ATP2B1: variants seen among roughly 807,000 people sequenced by gnomAD.
ATP2B1 encodes plasma membrane calcium-transporting ATPase 1.
ATP2B1 carries 14 observed loss-of-function variants against 124.2 expected under a neutral mutation model. That is an observed-to-expected ratio of 0.11 (90% CI 0.07 to 0.18). The LOEUF is 0.18. ATP2B1 is among the 10% of genes least tolerant of loss of function. The pLI is 1.00. For synonymous variants in ATP2B1, 449 were observed against 492.4 expected (o/e 0.91, Z 1.17); for missense variants, 763 against 1,466.1 (o/e 0.52, Z 7.83).
chr12:89,603,198 A>T lies in ATP2B1; in HGVS notation c.2905T>A (p.Ser969Thr). The T allele has an allele frequency of 6.2e-7, 1 of 1,613,234 alleles. No individual in the cohort carries two copies. The highest frequency in any genetic ancestry group is 2.2e-5 in the East Asian group (1 of 44,780). ...TTAAAAACAATAGTATAATGTTCTGAAGGAGGAGCATGCAAAGGAGCATTT... is the reference window on the plus strand; with the variant it reads ...TTAAAAACAATAGTATAATGTTCTGTAGGAGGAGCATGCAAAGGAGCATTT... The part of the protein sequence containing the change: ...GRNAPLHAPP[S>T]EHYTIVFNTF... Residue 969 changes from serine (S) to threonine (T), a missense_variant, in exon 18 of 21, where the codon TCA (serine) becomes ACA (threonine). Transcript: ENST00000428670. The surrounding 1 kb of genome is among the most constrained non-coding windows in gnomAD (Gnocchi z 4.3).
intron 2 of ATP2B1, among the ~76,000 whole-genome samples, chr12:89,653,739 T>C (rs534080816): frequency 6.6e-5 from 10 of 152,340 alleles, no homozygotes; most frequent in African/African-American, 2.2e-4. Flanking sequence ...TTAACTTAAC[T>C]TCACTAATTA....
intron 2 of ATP2B1, among the ~76,000 whole-genome samples, chr12:89,643,091 C>CACACAT (rs1247770816): frequency 6.8e-6 from 1 of 146,732 alleles, no homozygotes; most frequent in East Asian, 2.0e-4. Flanking sequence ...CACACACACA[C>CACACAT]ATATATACAT....
At chr12:89,656,186 A>C in intron 1 of ATP2B1, 79 bp from the exon 2 acceptor site, 1 of 401,214 alleles carries the variant, frequency 2.5e-6, no homozygotes, top group Non-Finnish European at 4.4e-6. Context: ...TCTAAATGTC[A>C]CCAGGTAGCT....
chr12:89,588,290 A>T lies in ATP2B1; in HGVS notation c.*2694T>A, dbSNP rs1372789212. 1.3e-5 allele frequency: 2 copies of T among 152,614 alleles called. No individual in the cohort carries two copies. The highest frequency in any genetic ancestry group is 2.9e-5 in the Non-Finnish European group (2 of 68,012). The allele number at this position is 152,614 out of a possible 1,614,324, so 9.5% of individuals were successfully genotyped here. A position where few individuals can be genotyped will look rare whatever the true frequency, so the allele number is the denominator to read the frequency against. ...ATCACCAATTCTTGGTTCAAAACTG[A>T]CATCTGTTATGAAAATTACCATATC... On this transcript the variant is annotated 3_prime_UTR_variant, in exon 21 of 21. Coordinates refer to ENST00000428670, the MANE Select transcript of ATP2B1 (RefSeq NM_001366521.1).
At chr12:89,679,643 CCAA>C (rs991884112) in intron 1 of ATP2B1, among the ~76,000 whole-genome samples, 8 of 152,078 alleles carry the variant, frequency 5.3e-5, no homozygotes, top group Admixed American at 2.0e-4. Flanking sequence ...ATGCCAAAAT[CCAA>C]CAAAACTCCC....
chr12:89,639,560 T>A (rs1384429701), intron 3 of ATP2B1, among the ~76,000 whole-genome samples: 1 of 149,358 alleles, frequency 6.7e-6, no homozygotes, highest in African/African-American at 2.4e-5. Flanking sequence ...TCAATATACA[T>A]ATTTTATTTT....
chr12:89,686,710 C>T (rs1258868140), intron 1 of ATP2B1, among the ~76,000 whole-genome samples: 1 of 152,042 alleles, frequency 6.6e-6, no homozygotes, highest in Non-Finnish European at 1.5e-5. Context: ...ATGCCTACAT[C>T]GGTGCATGGC....
chr12:89,691,170 T>C (rs1890514737), intron 1 of ATP2B1, among the ~76,000 whole-genome samples: 1 of 152,068 alleles, frequency 6.6e-6, no homozygotes, highest in African/African-American at 2.4e-5. Context: ...TTCATTTCTC[T>C]GTCTACAGGG....
chr12:89,707,145 T>C (rs1353703286), intron 1 of ATP2B1, among the ~76,000 whole-genome samples: 1 of 152,118 alleles, frequency 6.6e-6, no homozygotes, highest in Non-Finnish European at 1.5e-5. Flanking sequence ...CCAATCCCTC[T>C]TAATTCCCCC....
At chr12:89,642,061 C>T in intron 3 of ATP2B1, 97 bp downstream of exon 3, 1 of 1,232,944 alleles carries the variant, frequency 8.1e-7, no homozygotes, top group Non-Finnish European at 1.2e-6. Context: ...ACATAGCAAA[C>T]ATCAATAAAT....
At chr12:89,638,794 A>T (rs1023343863) in intron 3 of ATP2B1, among the ~76,000 whole-genome samples, 1 of 152,214 alleles carries the variant, frequency 6.6e-6, no homozygotes. Context: ...ATGCTGTGAA[A>T]AGATTGCCAC....
chr12:89,595,585 T>C (rs1393064393), intron 20 of ATP2B1, among the ~76,000 whole-genome samples: 1 of 152,106 alleles, frequency 6.6e-6, no homozygotes, highest in African/African-American at 2.4e-5. Context: ...GGTTAAATAA[T>C]TTTGACACCC....
intron 1 of ATP2B1, among the ~76,000 whole-genome samples, chr12:89,706,417 G>C (rs1299926914): frequency 6.6e-6 from 1 of 151,478 alleles, no homozygotes; most frequent in South Asian, 2.1e-4. Context: ...TGTCATACTG[G>C]TAGGTACCTT....
intron 2 of ATP2B1, among the ~76,000 whole-genome samples, chr12:89,642,950 T>A (rs1294032479): frequency 6.6e-6 from 1 of 151,854 alleles, no homozygotes; most frequent in Non-Finnish European, 1.5e-5. Flanking sequence ...ATCTTGTAGA[T>A]GTTAGCAATC....
chr12:89,689,508 C>T (rs539503779), intron 1 of ATP2B1, among the ~76,000 whole-genome samples: 1 of 152,188 alleles, frequency 6.6e-6, no homozygotes, highest in African/African-American at 2.4e-5. Flanking sequence ...TGTAAAATGG[C>T]GTTTCCATCT....
At chr12:89,632,592 AAC>A (rs756577981) in intron 5 of ATP2B1, among the ~76,000 whole-genome samples, 32 of 152,214 alleles carry the variant, frequency 2.1e-4, no homozygotes, top group Non-Finnish European at 4.0e-4. Flanking sequence ...AGGCAAAGTA[AAC>A]AGTTTTAAGT....
At position 89,682,628 on chromosome 12, in the gene ATP2B1, C is replaced by T. The variant is rs528230854; in HGVS notation, c.-222+25968G>A. On this transcript the variant is annotated intron_variant, in intron 1 of 20. Coordinates refer to ENST00000428670, the MANE Select transcript of ATP2B1 (RefSeq NM_001366521.1). ...GAGAGGAAGCAAAAATGGACTTTTCCATAAACTGTGTTGGGACTACTGAAC... is the reference window on the plus strand; with the variant it reads ...GAGAGGAAGCAAAAATGGACTTTTCTATAAACTGTGTTGGGACTACTGAAC... 2.6e-5 allele frequency among the ~76,000 whole-genome samples: 4 copies of T among 152,186 alleles called. No homozygotes were observed. The South Asian group carries it at 8.3e-4, about 32-fold the overall frequency.
intron 1 of ATP2B1, among the ~76,000 whole-genome samples, chr12:89,658,639 G>GAGAGAGAGAT (rs1565882726): frequency 2.2e-4 from 33 of 150,776 alleles, no homozygotes; most frequent in African/African-American, 7.6e-4. Context: ...GAGAGAGAGA[G>GAGAGAGAGAT]AGAGAGAGAT....
rs900849663 is a variant in ATP2B1 at position 89,680,492 on chromosome 12, C to T, written c.-221-24385G>A. ...AAAATGCTCATTGGAGAACGGATTT[C>T]GAGTAGAAAATCTAGCAAGGGTCAC... On this transcript the variant is annotated intron_variant, in intron 1 of 20. Coordinates refer to ENST00000428670, the MANE Select transcript of ATP2B1 (RefSeq NM_001366521.1). Among the ~76,000 whole-genome samples the T allele has an allele frequency of 4.6e-5, 7 of 151,714 alleles. No individual in the cohort carries two copies. The South Asian group carries it at 6.2e-4, about 14-fold the overall frequency.
Sources: gnomAD v4.1 joint callset for allele counts (sites outside exome capture counted in the v4.1 genomes callset) on GRCh38, gnomAD v4.1.1 for gene constraint, Gnocchi (gnomAD v3.1) non-coding constraint, MANE v1.5 for transcripts, NCBI Gene and HGNC (gene_info 2026-07-23, HGNC 2026-07-21) for gene names.